RTN4IP1: variants seen among roughly 807,000 people sequenced by gnomAD.
RTN4IP1 encodes NAD(P)H oxidoreductase RTN4IP1, mitochondrial.
In RTN4IP1, 32 loss-of-function variants were observed where a neutral mutation model predicts 46.6. The ratio of observed to expected loss-of-function variants is 0.69; its 90% confidence interval spans 0.52 to 0.92. The LOEUF (loss-of-function observed/expected upper bound fraction) is 0.92. Ranked by LOEUF, RTN4IP1 falls within the 40% of genes least tolerant of loss-of-function variation. The pLI, the probability that RTN4IP1 is intolerant of heterozygous loss-of-function variation, is 0.00. For missense variants in RTN4IP1, 424 were observed against 485.8 expected (o/e 0.87, Z 1.20); for synonymous variants, 167 against 161.8 (o/e 1.03, Z -0.24).
At chr6:106,629,695 G>A (rs749321658), upstream of RTN4IP1, 2 of 1,606,554 alleles carry the variant, frequency 1.2e-6, no homozygotes, top group South Asian at 1.1e-5. Flanking sequence ...CTGGGCCGGA[G>A]CCTCCGAGAA....
At chr6:106,612,874 C>T (rs995329250) in intron 4 of RTN4IP1, among the ~76,000 whole-genome samples, 1 of 152,196 alleles carries the variant, frequency 6.6e-6, no homozygotes, top group African/African-American at 2.4e-5. Context: ...GCAGGGGCCA[C>T]GTGCATCAGG....
At chr6:106,628,013 A>T (rs1342555834) in intron 1 of RTN4IP1, among the ~76,000 whole-genome samples, 1 of 140,072 alleles carries the variant, frequency 7.1e-6, no homozygotes, top group Non-Finnish European at 1.5e-5. Context: ...GGTTGCAGTG[A>T]GCCAGGAAAG....
chr6:106,576,537 G>A (rs945569671), intron 8 of RTN4IP1, among the ~76,000 whole-genome samples: 3 of 152,150 alleles, frequency 2.0e-5, no homozygotes, highest in Non-Finnish European at 2.9e-5. Flanking sequence ...TTTCTATGGA[G>A]CAAAATCCAG....
At chr6:106,580,120 A>G (rs1775324280) in intron 8 of RTN4IP1, among the ~76,000 whole-genome samples, 1 of 150,510 alleles carries the variant, frequency 6.6e-6, no homozygotes, top group Admixed American at 6.6e-5. Flanking sequence ...AGGCTGAGGC[A>G]GGAGAATGGT....
At chr6:106,581,728 T>C (rs1775376564) in intron 8 of RTN4IP1, among the ~76,000 whole-genome samples, 1 of 152,254 alleles carries the variant, frequency 6.6e-6, no homozygotes. Flanking sequence ...ATCTGCCAAA[T>C]GTAATAGGTA....
Position 106,606,201 on chromosome 6 carries a change from C to T in RTN4IP1, c.621-3279G>A, listed in dbSNP as rs574827934. On this transcript the variant is annotated intron_variant, in intron 4 of 8. Coordinates refer to ENST00000369063, the MANE Select transcript of RTN4IP1 (RefSeq NM_032730.5). ...CTTCAGGAGGCTGAGGCAGGCAGAT[C>T]GCTTGAGTCCAGGAGTTCAAGACCA... 9.2e-5 allele frequency among the ~76,000 whole-genome samples: 14 copies of T among 152,252 alleles called. No homozygotes were observed. The South Asian group carries it at 1.9e-3, about 20-fold the overall frequency.
chr6:106,614,633 A>T (rs1371548537), intron 4 of RTN4IP1, among the ~76,000 whole-genome samples: 2 of 152,316 alleles, frequency 1.3e-5, no homozygotes, highest in Middle Eastern at 3.4e-3. Flanking sequence ...AAGAAAACTT[A>T]AAAGTCTTAA....
At chr6:106,575,286 G>C (rs1292806893) in intron 8 of RTN4IP1, among the ~76,000 whole-genome samples, 2 of 152,204 alleles carry the variant, frequency 1.3e-5, no homozygotes, top group African/African-American at 4.8e-5. Context: ...CAGCCGGCCA[G>C]GGACGCTCAC....
At chr6:106,587,534 G>C in intron 7 of RTN4IP1, 145 bp downstream of exon 7, 2 of 678,720 alleles carry the variant, frequency 2.9e-6, no homozygotes, top group Non-Finnish European at 5.0e-6. Context: ...GTCAGATTTT[G>C]AAGCCAGTCA....
At chr6:106,576,275 C>A (rs1775223990) in intron 8 of RTN4IP1, among the ~76,000 whole-genome samples, 1 of 152,166 alleles carries the variant, frequency 6.6e-6, no homozygotes, top group Non-Finnish European at 1.5e-5. Context: ...TGGGGGAACT[C>A]TCCAAGGGAG....
rs148978301 is a variant in RTN4IP1, at chr6:106,614,482, G to A, written c.620+4720C>T. On this transcript the variant is annotated intron_variant, in intron 4 of 8. Transcript: ENST00000369063. ...AGATCTGTAAGTTACCAAACTATAA[G>A]TAGAAGCTGGGAGTAGATGAGATAA... Among the ~76,000 whole-genome samples the A allele has an allele frequency of 8.2e-3, 1,245 of 152,254 alleles. 9 individuals are homozygous for A. Among genetic ancestry groups the A allele is most frequent in the Non-Finnish European group, 0.013 (872 of 67,998 alleles).
intron 1 of RTN4IP1, among the ~76,000 whole-genome samples, chr6:106,626,909 T>C (rs1776664181): frequency 6.6e-6 from 1 of 152,244 alleles, no homozygotes; most frequent in African/African-American, 2.4e-5. Context: ...TAAAAATTCT[T>C]CATTTCTTTA....
rs575005420 is a variant in RTN4IP1, at chr6:106,572,501, TACGAGTCAGTA to T, written c.1084-409_1084-399del. ...CGTGGTATGTTTATGCCTCTGCTGGTACGAGTCAGTAAGCCCAGAAATCCTTCTCTGAAAAT... is the reference window on the plus strand; with the variant it reads ...CGTGGTATGTTTATGCCTCTGCTGGTAGCCCAGAAATCCTTCTCTGAAAAT... On this transcript the variant is annotated intron_variant, in intron 8 of 8. Transcript: ENST00000369063. 27 of 162,844 alleles carry T rather than the reference TACGAGTCAGTA, an allele frequency of 1.7e-4. No homozygotes were observed. The South Asian group carries it at 4.5e-3, about 27-fold the overall frequency. 10.1% of individuals were successfully genotyped at this position (162,844 alleles called of 1,614,324 possible).
At chr6:106,574,819 C>G (rs1775181915) in intron 8 of RTN4IP1, among the ~76,000 whole-genome samples, 1 of 152,200 alleles carries the variant, frequency 6.6e-6, no homozygotes, top group South Asian at 2.1e-4. Flanking sequence ...ATTTAGAGCT[C>G]TGACCGGGGA....
chr6:106,589,264 A>G (rs2114637530), intron 6 of RTN4IP1, among the ~76,000 whole-genome samples: 1 of 8,066 alleles, frequency 1.2e-4, no homozygotes, highest in Non-Finnish European at 4.9e-4. Context: ...GAGGAGGAGA[A>G]GGAGAAGAAG....
chr6:106,598,999 ACT>A (rs1239999167), intron 5 of RTN4IP1, among the ~76,000 whole-genome samples: 2 of 151,504 alleles, frequency 1.3e-5, no homozygotes, highest in Non-Finnish European at 2.9e-5. Context: ...ATTTAGTTTT[ACT>A]TTTTTCCTGA....
chr6:106,629,221 T>C lies in RTN4IP1; in HGVS notation c.-200A>G, dbSNP rs1419817347. ...CGGAACTGTTATTCCGCTCTTCGCA[T>C]ATGAAATGCTCGAATTAACGTTCCA... On this transcript the variant is annotated 5_prime_UTR_variant, in exon 1 of 9. The change creates a new upstream start codon in the 5' untranslated region. Transcript: ENST00000369063. The C allele has an allele frequency of 1.7e-6, 1 of 593,242 alleles. No individual in the cohort carries two copies. Among genetic ancestry groups the C allele is most frequent in the Non-Finnish European group, 3.0e-6 (1 of 336,094 alleles). The allele number at this position is 593,242 out of a possible 1,614,324, so 36.7% of individuals were successfully genotyped here.
intron 5 of RTN4IP1, among the ~76,000 whole-genome samples, chr6:106,596,627 T>C (rs550001432): frequency 5.9e-5 from 9 of 152,170 alleles, no homozygotes; most frequent in Admixed American, 1.3e-4. Flanking sequence ...TATCAGAACA[T>C]ATGGCTGTTC....
At chr6:106,604,109 A>G (rs993827807) in intron 4 of RTN4IP1, among the ~76,000 whole-genome samples, 14 of 152,176 alleles carry the variant, frequency 9.2e-5, no homozygotes, top group Non-Finnish European at 1.6e-4. Context: ...TTTGCCACCT[A>G]TCTCTAGTAA....
Sources: allele counts gnomAD v4.1 joint callset (sites outside exome capture counted in the v4.1 genomes callset), GRCh38; gene constraint gnomAD v4.1.1; transcripts MANE v1.5; gene names NCBI Gene and HGNC (gene_info 2026-07-23, HGNC 2026-07-21).